QTMAN: variants seen among roughly 807,000 people sequenced by gnomAD.
The protein encoded by QTMAN is queuosine-tRNA mannosyltransferase.
chr2:144,332,936 G>C, the QTMAN span, among the ~76,000 whole-genome samples: 1 of 152,290 alleles, frequency 6.6e-6, no homozygotes, highest in East Asian at 1.9e-4. Flanking sequence ...GATTCCCCGT[G>C]CAGTTTTCCA....
chr2:144,048,805 CGCACACACAT>C, the QTMAN span, among the ~76,000 whole-genome samples: 3 of 146,796 alleles, frequency 2.0e-5, no homozygotes, highest in Admixed American at 1.3e-4. Flanking sequence ...TGCTTGTGTG[CGCACACACAT>C]GCATACACAC....
At chr2:144,244,605 T>A in the QTMAN span, among the ~76,000 whole-genome samples, 1 of 152,224 alleles carries the variant, frequency 6.6e-6, no homozygotes, top group Non-Finnish European at 1.5e-5. Flanking sequence ...ACTAATATTG[T>A]CTTAGTAAGT....
the QTMAN span, among the ~76,000 whole-genome samples, chr2:143,994,014 T>C: frequency 5.3e-5 from 8 of 152,292 alleles, no homozygotes; most frequent in Admixed American, 3.3e-4. Context: ...CTAAAGGTTA[T>C]ACATTTTATC....
chr2:144,092,878 T>TGTGG, the QTMAN span, among the ~76,000 whole-genome samples: 1 of 138,670 alleles, frequency 7.2e-6, no homozygotes, highest in Non-Finnish European at 1.6e-5. Context: ...GGGGTGTGTG[T>TGTGG]GTGTGTGTGT....
the QTMAN span, among the ~76,000 whole-genome samples, chr2:144,154,976 G>A: frequency 6.6e-6 from 1 of 152,050 alleles, no homozygotes; most frequent in Non-Finnish European, 1.5e-5. Flanking sequence ...AATAAAACTG[G>A]TTAACTTTCC....
the QTMAN span, among the ~76,000 whole-genome samples, chr2:144,154,777 GTTCTT>G: frequency 6.6e-6 from 1 of 152,262 alleles, no homozygotes; most frequent in Non-Finnish European, 1.5e-5. Flanking sequence ...TAGATCTGCT[GTTCTT>G]TTCTTTAGTA....
the QTMAN span, among the ~76,000 whole-genome samples, chr2:144,088,826 T>G: frequency 6.6e-6 from 1 of 151,772 alleles, no homozygotes; most frequent in Non-Finnish European, 1.5e-5. Flanking sequence ...CAAGACAAAA[T>G]GGATTAAAGA....
the QTMAN span, among the ~76,000 whole-genome samples, chr2:144,108,213 C>T: frequency 6.6e-6 from 1 of 152,216 alleles, no homozygotes; most frequent in Non-Finnish European, 1.5e-5. Context: ...GATACCCTCT[C>T]TCACCACTCC....
the QTMAN span, among the ~76,000 whole-genome samples, chr2:144,026,401 C>T: frequency 1.3e-5 from 2 of 152,148 alleles, no homozygotes; most frequent in African/African-American, 4.8e-5. Context: ...CACCACTGCA[C>T]TCCAGCCTGG....
chr2:144,217,444 T>C, the QTMAN span, among the ~76,000 whole-genome samples: 1 of 151,968 alleles, frequency 6.6e-6, no homozygotes, highest in African/African-American at 2.4e-5. Context: ...AAATGATATA[T>C]ATATAACACG....
the QTMAN span, among the ~76,000 whole-genome samples, chr2:144,249,944 A>G: frequency 6.6e-6 from 1 of 152,160 alleles, no homozygotes; most frequent in East Asian, 1.9e-4. Flanking sequence ...AGAAAATGTA[A>G]ACCAATCTAA....
chr2:144,194,209 A>G, the QTMAN span, among the ~76,000 whole-genome samples: 1 of 152,200 alleles, frequency 6.6e-6, no homozygotes, highest in South Asian at 2.1e-4. Context: ...TCCAGTTTAC[A>G]AAATACTCCT....
chr2:144,188,139 G>A, the QTMAN span, among the ~76,000 whole-genome samples: 11 of 152,174 alleles, frequency 7.2e-5, no homozygotes, highest in Non-Finnish European at 1.2e-4. Context: ...AATAAATTCT[G>A]GTGTTACAGC....
the QTMAN span, among the ~76,000 whole-genome samples, chr2:144,129,858 T>C: frequency 6.6e-6 from 1 of 151,898 alleles, no homozygotes; most frequent in Non-Finnish European, 1.5e-5. Flanking sequence ...CAGAGAAAAA[T>C]ATTTTATAAC....
chr2:144,292,518 G>A, the QTMAN span, among the ~76,000 whole-genome samples: 5 of 151,640 alleles, frequency 3.3e-5, no homozygotes, highest in Non-Finnish European at 7.4e-5. Flanking sequence ...TTCTTATTAG[G>A]GCTAGGACTA....
the QTMAN span, among the ~76,000 whole-genome samples, chr2:144,121,237 T>C: frequency 6.6e-6 from 1 of 152,142 alleles, no homozygotes; most frequent in Non-Finnish European, 1.5e-5. Flanking sequence ...GGCGGCACAC[T>C]GGTCAGGAGA....
At chr2:144,002,595 C>G in the QTMAN span, among the ~76,000 whole-genome samples, 1 of 151,928 alleles carries the variant, frequency 6.6e-6, no homozygotes, top group African/African-American at 2.4e-5. Context: ...GTGATATTAA[C>G]AAATATGATT....
the QTMAN span, among the ~76,000 whole-genome samples, chr2:144,242,687 C>T: frequency 1.3e-5 from 2 of 152,028 alleles, no homozygotes; most frequent in South Asian, 2.1e-4. Flanking sequence ...AGAGGCCAGG[C>T]GTGGTGGCTC....
At chr2:144,120,419 G>A in the QTMAN span, among the ~76,000 whole-genome samples, 1 of 152,166 alleles carries the variant, frequency 6.6e-6, no homozygotes, top group African/African-American at 2.4e-5. Flanking sequence ...TTGGGGGTCA[G>A]AACATCCAAG....
Sources: allele counts gnomAD v4.1 joint callset (sites outside exome capture counted in the v4.1 genomes callset), GRCh38; gene constraint gnomAD v4.1.1; transcripts MANE v1.5; gene names NCBI Gene and HGNC (gene_info 2026-07-23, HGNC 2026-07-21).